Variants in DSCAM observed in about 807,000 individuals in gnomAD.
DSCAM encodes the protein cell adhesion molecule DSCAM.
A neutral mutation model predicts 217.7 loss-of-function variants in DSCAM; 47 were observed. That is an observed-to-expected ratio of 0.22 (90% CI 0.17 to 0.28). The LOEUF (loss-of-function observed/expected upper bound fraction) is 0.28. Among genes scored for constraint, DSCAM ranks in the 10% least tolerant of loss-of-function variants. The probability of loss-of-function intolerance (pLI) is 1.00; values close to 1 mark genes in which losing one functional copy is unlikely to be tolerated. For synonymous variants in DSCAM, 1,056 were observed against 1,015.3 expected (o/e 1.04, Z -0.76); for missense variants, 2,080 against 2,618.3 (o/e 0.79, Z 4.49).
chr21:40,093,151 A>G (rs1437526515), intron 21 of DSCAM, among the ~76,000 whole-genome samples: 1 of 152,214 alleles, frequency 6.6e-6, no homozygotes, highest in Admixed American at 6.5e-5. Flanking sequence ...TTACCAGAAG[A>G]GCAAGAATAC....
At chr21:40,102,243 T>C (rs1167680825) in intron 20 of DSCAM, among the ~76,000 whole-genome samples, 1 of 152,190 alleles carries the variant, frequency 6.6e-6, no homozygotes, top group Non-Finnish European at 1.5e-5. Context: ...AAATGGAAAC[T>C]TCATATATTT....
intron 1 of DSCAM, among the ~76,000 whole-genome samples, chr21:40,805,227 A>G (rs962634632): frequency 5.3e-5 from 8 of 152,202 alleles, no homozygotes; most frequent in Admixed American, 3.9e-4. Context: ...TGAGCCAAGT[A>G]TCTCTTAAAA....
rs142532148 is a variant in DSCAM at position 40,535,195 on chromosome 21, A to C, written c.508+157615T>G. 1.6e-3 allele frequency among the ~76,000 whole-genome samples: 244 copies of C among 152,356 alleles called. 1 individual carries two copies. The highest frequency in any genetic ancestry group is 5.6e-3 in the African/African-American group (232 of 41,584). On this transcript the variant is annotated intron_variant, in intron 3 of 32. Transcript: ENST00000400454. ...TCTTAAAGGTGTAGGGGAGAATTAA[A>C]TAAGATAATACATATTTAAAGTCTT...
At chr21:40,822,196 G>A (rs573170004) in intron 1 of DSCAM, among the ~76,000 whole-genome samples, 1 of 151,660 alleles carries the variant, frequency 6.6e-6, no homozygotes, top group Non-Finnish European at 1.5e-5. Context: ...GAACATGCCT[G>A]TAGTCCCAGC....
intron 1 of DSCAM, among the ~76,000 whole-genome samples, chr21:40,729,780 C>T (rs2090993516): frequency 6.6e-6 from 1 of 152,138 alleles, no homozygotes; most frequent in South Asian, 2.1e-4. Flanking sequence ...GAGTGGCTTC[C>T]TCCAAAGACA....
intron 1 of DSCAM, among the ~76,000 whole-genome samples, chr21:40,843,168 A>C (rs2092116206): frequency 6.6e-6 from 1 of 152,138 alleles, no homozygotes; most frequent in African/African-American, 2.4e-5. Context: ...TAAAATAGCA[A>C]GCGTGTGCTC....
chr21:40,173,844 CCTT>C (rs1416791958), intron 15 of DSCAM, among the ~76,000 whole-genome samples: 3 of 152,210 alleles, frequency 2.0e-5, no homozygotes, highest in Non-Finnish European at 2.9e-5. Context: ...ATAATCCACA[CCTT>C]CTATTCTCTG....
At chr21:40,771,460 T>C (rs2091444374) in intron 1 of DSCAM, among the ~76,000 whole-genome samples, 1 of 152,218 alleles carries the variant, frequency 6.6e-6, no homozygotes, top group Admixed American at 6.5e-5. Flanking sequence ...AAATGTGTTC[T>C]TGTGCATGCT....
chr21:40,446,626 T>C (rs1394340487), intron 3 of DSCAM, among the ~76,000 whole-genome samples: 2 of 152,216 alleles, frequency 1.3e-5, no homozygotes, highest in African/African-American at 4.8e-5. Context: ...TGGTTTACAA[T>C]GGCCAGAACA....
intron 1 of DSCAM, among the ~76,000 whole-genome samples, chr21:40,832,235 C>G (rs1467861178): frequency 6.6e-6 from 1 of 152,176 alleles, no homozygotes; most frequent in African/African-American, 2.4e-5. Context: ...ATATTCACAT[C>G]TAGTAATAAA....
intron 2 of DSCAM, among the ~76,000 whole-genome samples, chr21:40,697,653 G>A (rs2090609836): frequency 6.6e-6 from 1 of 152,102 alleles, no homozygotes. Flanking sequence ...TAAGCGCATG[G>A]ACTTATATTT....
intron 3 of DSCAM, among the ~76,000 whole-genome samples, chr21:40,603,039 C>T (rs1350057793): frequency 1.3e-5 from 2 of 151,980 alleles, no homozygotes; most frequent in Admixed American, 1.3e-4. Flanking sequence ...CATTTAGTTA[C>T]AAATAATTTA....
chr21:40,675,502 A>G (rs2090328232), intron 3 of DSCAM, among the ~76,000 whole-genome samples: 1 of 152,200 alleles, frequency 6.6e-6, no homozygotes. Context: ...CTAGGTTCAA[A>G]TAACTGTCCC....
chr21:40,574,856 C>T (rs754017882), intron 3 of DSCAM, among the ~76,000 whole-genome samples: 7 of 151,890 alleles, frequency 4.6e-5, no homozygotes, highest in East Asian at 1.9e-4. Context: ...TACAGGTGCC[C>T]GCCCCTGCAC....
intron 5 of DSCAM, among the ~76,000 whole-genome samples, chr21:40,352,396 T>G (rs2074640941): frequency 6.6e-6 from 1 of 152,218 alleles, no homozygotes; most frequent in South Asian, 2.1e-4. Flanking sequence ...CATCCATTTC[T>G]TTCTAATCCC....
At chr21:40,382,450 T>C (rs1006322761) in intron 3 of DSCAM, among the ~76,000 whole-genome samples, 5 of 152,226 alleles carry the variant, frequency 3.3e-5, no homozygotes, top group East Asian at 1.9e-4. Flanking sequence ...ATAGGCTTGG[T>C]TGCATTTATA....
At chr21:40,729,242 C>T (rs866329286) in intron 1 of DSCAM, among the ~76,000 whole-genome samples, 1 of 152,204 alleles carries the variant, frequency 6.6e-6, no homozygotes, top group Non-Finnish European at 1.5e-5. Context: ...AAACTTTGAA[C>T]TCTGTCGTGA....
chr21:40,346,004 G>A (rs2074553981), intron 6 of DSCAM, among the ~76,000 whole-genome samples: 1 of 152,174 alleles, frequency 6.6e-6, no homozygotes, highest in African/African-American at 2.4e-5. Context: ...CTTTCTTGCT[G>A]TCACTCTGAT....
At chr21:40,804,508 GCCCCTATCT>G (rs1173775450) in intron 1 of DSCAM, among the ~76,000 whole-genome samples, 3 of 151,914 alleles carry the variant, frequency 2.0e-5, no homozygotes, top group Non-Finnish European at 4.4e-5. Flanking sequence ...CTGCCTGCTA[GCCCCTATCT>G]CCCCTCCCCG....
Sources: allele counts gnomAD v4.1 joint callset (sites outside exome capture counted in the v4.1 genomes callset), GRCh38; gene constraint gnomAD v4.1.1; transcripts MANE v1.5; gene names NCBI Gene and HGNC (gene_info 2026-07-23, HGNC 2026-07-21).